Variants in FBRSL1 observed in about 807,000 individuals in gnomAD.
FBRSL1 encodes the protein fibrosin like 1, also known as fibrosin-1-like protein.
A neutral mutation model predicts 89.6 loss-of-function variants in FBRSL1; 51 were observed. The observed-to-expected ratio is 0.57, with a 90% CI of 0.45 to 0.72. The LOEUF is 0.72. Among genes scored for constraint, FBRSL1 ranks in the 30% least tolerant of loss-of-function variants. FBRSL1 has a pLI of 0.00. For missense variants in FBRSL1, 1,618 were observed against 1,451.8 expected, an observed-to-expected ratio of 1.11 and a Z score of -1.86; for synonymous variants, 779 against 681.1, an observed-to-expected ratio of 1.14 and a Z score of -2.24.
chr12:132,521,291 C>T (rs532274944), intron 2 of FBRSL1, among the ~76,000 whole-genome samples: 82 of 152,318 alleles, frequency 5.4e-4, no homozygotes, highest in Non-Finnish European at 8.7e-4. Flanking sequence ...ACACTCATTT[C>T]CACTCAGACA....
At position 132,583,789 on chromosome 12, in the gene FBRSL1, G is replaced by C; in HGVS notation, c.*11G>C. 1 of 1,207,526 alleles carries C rather than the reference G, an allele frequency of 8.3e-7. No homozygotes were observed. 74.8% of individuals were successfully genotyped at this position (1,207,526 alleles called of 1,614,324 possible). ...GTGGAGGCGCGGTAGCCCCGGGGCC[G>C]CAGACGCCTCTCCGAGCGGAGCGCA... On this transcript the variant is annotated 3_prime_UTR_variant, in exon 19 of 19. Transcript: ENST00000680143.
At chr12:132,516,513 G>T (rs766236362) in intron 2 of FBRSL1, among the ~76,000 whole-genome samples, 1 of 152,198 alleles carries the variant, frequency 6.6e-6, no homozygotes, top group Non-Finnish European at 1.5e-5. Context: ...ACATCTGTTA[G>T]ATGGAGTTTC....
At chr12:132,561,288 C>T (rs1022043250) in intron 5 of FBRSL1, among the ~76,000 whole-genome samples, 3 of 152,210 alleles carry the variant, frequency 2.0e-5, no homozygotes, top group Admixed American at 6.5e-5. Flanking sequence ...CCCAGCCGCG[C>T]GGCCCGTGCG....
At chr12:132,490,954 C>T in intron 1 of FBRSL1, 93 bp downstream of exon 1, 1 of 969,040 alleles carries the variant, frequency 1.0e-6, no homozygotes, top group Non-Finnish European at 1.3e-6. Context: ...GGGCTTGCGA[C>T]CGCCCGCGCC....
intron 4 of FBRSL1, among the ~76,000 whole-genome samples, chr12:132,544,979 C>T (rs1480676934): frequency 2.0e-5 from 3 of 152,214 alleles, no homozygotes; most frequent in South Asian, 2.1e-4. Flanking sequence ...ACACAGTAAT[C>T]CTATGAGCTG....
intron 2 of FBRSL1, chr12:132,509,727 C>T (rs1302891624): frequency 4.1e-5 from 51 of 1,231,274 alleles, no homozygotes; most frequent in East Asian, 4.1e-4. Flanking sequence ...CCGACCCCTG[C>T]GGCCGTGGGC....
At chr12:132,570,722 A>G (rs2039954701) in intron 8 of FBRSL1, among the ~76,000 whole-genome samples, 182 bp downstream of exon 8, 2 of 152,154 alleles carry the variant, frequency 1.3e-5, no homozygotes, top group South Asian at 4.1e-4. Context: ...GCCACAGGCC[A>G]TCTGTGTGCG....
rs113166619 is a variant in FBRSL1, at chr12:132,567,431, G to A, written c.646-50G>A. ...TGTGGGCATTGGGCGCAAGGTCCAC[G>A]AGGATGAGGACCACCCTGACTGCCC... On this transcript the variant is annotated intron_variant, in intron 5 of 18. Transcript: ENST00000680143. 2.2e-3 allele frequency: 3,400 copies of A among 1,535,116 alleles called. 63 individuals carry two copies. The African/African-American group carries it at 0.041, about 18-fold the overall frequency.
At chr12:132,568,783 G>T (rs1408732796) in intron 6 of FBRSL1, among the ~76,000 whole-genome samples, 1 of 152,140 alleles carries the variant, frequency 6.6e-6, no homozygotes, top group Non-Finnish European at 1.5e-5. Context: ...CCTCTCTCCT[G>T]TGTCCTCCGC....
chr12:132,566,544 GCCA>G (rs898478982), intron 5 of FBRSL1: 8 of 151,812 alleles, frequency 5.3e-5, no homozygotes, highest in African/African-American at 1.9e-4. Context: ...CCCATCAGCG[GCCA>G]CATTCTCGCC....
chr12:132,551,714 G>T, intron 5 of FBRSL1: 1 of 390,162 alleles, frequency 2.6e-6, no homozygotes, highest in Non-Finnish European at 5.3e-6. Context: ...CACTGTGCCC[G>T]CCCAGCCGCC....
intron 1 of FBRSL1, among the ~76,000 whole-genome samples, chr12:132,502,332 C>T (rs1386421163): frequency 1.3e-5 from 2 of 152,336 alleles, no homozygotes; most frequent in Middle Eastern, 6.8e-3. Context: ...GGGCCATCTT[C>T]CCTGGTGCCA....
intron 2 of FBRSL1, among the ~76,000 whole-genome samples, chr12:132,524,435 C>T (rs937231493): frequency 6.6e-6 from 1 of 152,260 alleles, no homozygotes; most frequent in Non-Finnish European, 1.5e-5. Flanking sequence ...GCCTTGTGTG[C>T]ACCCTGTCAG....
At position 132,583,857 on chromosome 12, in the gene FBRSL1, C is replaced by T; in HGVS notation, c.*79C>T. On this transcript the variant is annotated 3_prime_UTR_variant, in exon 19 of 19. Transcript: ENST00000680143. The stretch of plus-strand genomic sequence containing the variant: ...ATCAGTTCCTAGAACTCAAGCACAG[C>T]TCCCGCCGATCCTGGGGCGGCGCCG... 1 of 877,640 alleles carries T rather than the reference C, an allele frequency of 1.1e-6. No homozygotes were observed. The highest frequency in any genetic ancestry group is 4.8e-5 in the East Asian group (1 of 21,048). The allele number at this position is 877,640 out of a possible 1,614,324, so 54.4% of individuals were successfully genotyped here.
chr12:132,493,024 T>C (rs1010680468), intron 1 of FBRSL1, among the ~76,000 whole-genome samples: 1 of 152,204 alleles, frequency 6.6e-6, no homozygotes, highest in Non-Finnish European at 1.5e-5. Flanking sequence ...CATCAACTCA[T>C]TTACTCCTCA....
intron 2 of FBRSL1, among the ~76,000 whole-genome samples, chr12:132,512,958 C>T (rs1399370424): frequency 2.6e-5 from 4 of 152,174 alleles, no homozygotes; most frequent in African/African-American, 4.8e-5. Flanking sequence ...GTCGGGGTGC[C>T]GCCATGGGGA....
chr12:132,513,940 G>A (rs1412513762), intron 2 of FBRSL1, among the ~76,000 whole-genome samples: 1 of 152,148 alleles, frequency 6.6e-6, no homozygotes, highest in Non-Finnish European at 1.5e-5. Context: ...TGGTGTGTGG[G>A]CATCTGCCTG....
At chr12:132,577,943 G>T (rs1802170497) in intron 15 of FBRSL1, among the ~76,000 whole-genome samples, 1 of 152,216 alleles carries the variant, frequency 6.6e-6, no homozygotes, top group Non-Finnish European at 1.5e-5. Flanking sequence ...ATCCACGCGT[G>T]TACGCACACG....
chr12:132,526,003 C>T lies in FBRSL1; in HGVS notation c.579+180C>T, dbSNP rs376434229. On this transcript the variant is annotated intron_variant, in intron 3 of 18. Coordinates refer to ENST00000680143, the MANE Select transcript of FBRSL1 (RefSeq NM_001367871.1). ...CCCTGCACAAGGGCGTCCAGGAAGC[C>T]GCTGGTTAGGGTCCGGTTTCCCACC... Among the ~76,000 whole-genome samples the T allele has an allele frequency of 2.0e-4, 31 of 152,378 alleles. No individual in the cohort carries two copies. In the East Asian group the frequency reaches 5.0e-3, roughly 25 times the overall value.
Sources: gnomAD v4.1 joint callset for allele counts (sites outside exome capture counted in the v4.1 genomes callset) on GRCh38, gnomAD v4.1.1 for gene constraint, MANE v1.5 for transcripts, NCBI Gene and HGNC (gene_info 2026-07-23, HGNC 2026-07-21) for gene names.